SETD7: variants seen among roughly 807,000 people sequenced by gnomAD.
SETD7 encodes the protein histone-lysine N-methyltransferase SETD7.
SETD7 carries 16 observed loss-of-function variants against 41.8 expected under a neutral mutation model. The ratio of observed to expected loss-of-function variants is 0.38; its 90% CI spans 0.26 to 0.58. SETD7 has a LOEUF of 0.58. Ranked by LOEUF, SETD7 falls within the 20% of genes least tolerant of loss-of-function variation. The probability of loss-of-function intolerance (pLI) is 0.64; values close to 1 mark genes in which losing one functional copy is unlikely to be tolerated. For synonymous variants in SETD7, 163 were observed against 169.7 expected (o/e 0.96, Z 0.31); for missense variants, 346 against 459.7 (o/e 0.75, Z 2.26).
chr4:139,502,508 A>C, downstream of SETD7, among the ~76,000 whole-genome samples: 1 of 152,190 alleles, frequency 6.6e-6, no homozygotes, highest in East Asian at 1.9e-4. Context: ...CCTGGACTGC[A>C]AGGGGGTGGG....
At chr4:139,540,563 A>T (rs6819490) in intron 2 of SETD7, among the ~76,000 whole-genome samples, 4,928 of 152,172 alleles carry the variant, frequency 0.032, 254 homozygotes, top group African/African-American at 0.11. Context: ...TTATTTAGCC[A>T]CTCTGTGCCT....
rs1295069185 is a variant in SETD7 at position 139,509,073 on chromosome 4, A to C, written c.*2590T>G. The C allele has an allele frequency of 6.6e-6, 1 of 152,620 alleles. No individual in the cohort carries two copies. The highest frequency in any genetic ancestry group is 1.5e-5 in the Non-Finnish European group (1 of 68,388). The allele number at this position is 152,620 out of a possible 1,614,324, so 9.5% of individuals were successfully genotyped here. A position where few individuals can be genotyped will look rare whatever the true frequency, so the allele number is the denominator to read the frequency against. ...GATGAGCAGAGTCCCAAAGACATGC[A>C]CAGAGCCAGAGAGACTCAAGAAAGG... On this transcript the variant is annotated 3_prime_UTR_variant, in exon 8 of 8. Transcript: ENST00000274031.
downstream of SETD7, among the ~76,000 whole-genome samples, chr4:139,493,448 C>G (rs938259647): frequency 1.3e-5 from 2 of 152,034 alleles, no homozygotes; most frequent in African/African-American, 4.8e-5. Flanking sequence ...GGAGCAGGAG[C>G]CAGTCCATTG....
In SETD7 at chr4:139,556,085, G is replaced by A. The variant is rs1389157533; in HGVS notation, c.40+13C>T. On this transcript the variant is annotated intron_variant, in intron 1 of 7. Transcript: ENST00000274031. Reference sequence around the variant, plus strand: ...CTGCGCCTCCTCCCCCGGCCCCGGAGAAATGCTTGTACCTTCCACCGCCTC... The same window carrying A: ...CTGCGCCTCCTCCCCCGGCCCCGGAAAAATGCTTGTACCTTCCACCGCCTC... 1 of 1,591,672 alleles carries A rather than the reference G, an allele frequency of 6.3e-7. No homozygotes were observed. Among genetic ancestry groups the A allele is most frequent in the Non-Finnish European group, 8.5e-7 (1 of 1,170,180 alleles).
intron 1 of SETD7, among the ~76,000 whole-genome samples, chr4:139,549,380 C>T (rs1300708563): frequency 4.6e-5 from 7 of 152,168 alleles, no homozygotes; most frequent in Middle Eastern, 3.2e-3. Flanking sequence ...ACTGAAGGTG[C>T]ACCCTCAGCA....
intron 7 of SETD7, among the ~76,000 whole-genome samples, chr4:139,516,244 T>A (rs932828771): frequency 4.6e-5 from 7 of 151,558 alleles, no homozygotes; most frequent in African/African-American, 1.7e-4. Flanking sequence ...GGCGGGTGGA[T>A]CCCCTGAGGT....
chr4:139,556,031 C>T (rs1397681916), intron 1 of SETD7, 67 bp downstream of exon 1: 3 of 1,476,568 alleles, frequency 2.0e-6, no homozygotes, highest in East Asian at 5.6e-5. Context: ...CTGTTCGCAG[C>T]CCGCCACTCC....
intron 1 of SETD7, among the ~76,000 whole-genome samples, chr4:139,552,908 G>A (rs187370668): frequency 4.4e-4 from 67 of 152,254 alleles, no homozygotes; most frequent in Middle Eastern, 3.4e-3. Context: ...GTATCTATGG[G>A]TAGACAAAGA....
intron 4 of SETD7, 53 bp from the exon 5 acceptor site, chr4:139,523,488 T>A: frequency 7.9e-7 from 1 of 1,273,226 alleles, no homozygotes; most frequent in Admixed American, 1.8e-5. Context: ...GAAGAGCATT[T>A]ATAACACTTC....
chr4:139,509,384 A>G lies in SETD7; in HGVS notation c.*2279T>C, dbSNP rs1281325507. On this transcript the variant is annotated 3_prime_UTR_variant, in exon 8 of 8. Transcript: ENST00000274031. ...TATCTCATCTGAAGAACTGATTAGC[A>G]GACTAATCACTACTTACAACTCTTC... 6.6e-6 allele frequency: 1 copy of G among 152,228 alleles called. No individual in the cohort carries two copies. 9.4% of individuals were successfully genotyped at this position (152,228 alleles called of 1,614,324 possible).
downstream of SETD7, chr4:139,505,981 A>G (rs1183697325): frequency 6.5e-6 from 1 of 152,688 alleles, no homozygotes; most frequent in Non-Finnish European, 1.5e-5. Context: ...TAGACACATT[A>G]TAAGAAAACC....
rs1726874097 is a variant in SETD7 at position 139,511,491 on chromosome 4, G to T, written c.*172C>A. ...GCAAGGCTAGCTAATTTTAAATCTG[G>T]TATGAGTAATACAGTCAAACCTAGT... is the stretch of plus-strand genomic sequence containing the variant. On this transcript the variant is annotated 3_prime_UTR_variant, in exon 8 of 8. Coordinates refer to ENST00000274031, the MANE Select transcript of SETD7 (RefSeq NM_030648.4). 5 of 1,212,316 alleles carry T rather than the reference G, an allele frequency of 4.1e-6. No individual in the cohort carries two copies. Among genetic ancestry groups the T allele is most frequent in the Non-Finnish European group, 4.6e-6 (4 of 874,772 alleles). 75.1% of individuals were successfully genotyped at this position (1,212,316 alleles called of 1,614,324 possible).
At chr4:139,523,845 A>G (rs932281655) in intron 4 of SETD7, among the ~76,000 whole-genome samples, 8 of 152,240 alleles carry the variant, frequency 5.3e-5, no homozygotes, top group Admixed American at 4.6e-4. Context: ...GAACACTGGC[A>G]GTTGTCTCCT....
At chr4:139,541,906 T>C (rs572505973) in intron 2 of SETD7, among the ~76,000 whole-genome samples, 65 of 152,348 alleles carry the variant, frequency 4.3e-4, no homozygotes, top group African/African-American at 1.5e-3. Context: ...TAGATAGCTA[T>C]TTCTTCCATA....
At position 139,556,078 on chromosome 4, in the gene SETD7, C is replaced by A; in HGVS notation, c.40+20G>T. On this transcript the variant is annotated intron_variant, in intron 1 of 7. Coordinates refer to ENST00000274031, the MANE Select transcript of SETD7 (RefSeq NM_030648.4). Reference sequence around the variant, plus strand: ...AGGCCCTCTGCGCCTCCTCCCCCGGCCCCGGAGAAATGCTTGTACCTTCCA... The same window carrying A: ...AGGCCCTCTGCGCCTCCTCCCCCGGACCCGGAGAAATGCTTGTACCTTCCA... The A allele has an allele frequency of 1.3e-6, 2 of 1,587,714 alleles. No homozygotes were observed. The highest frequency in any genetic ancestry group is 1.7e-6 in the Non-Finnish European group (2 of 1,168,210).
intron 7 of SETD7, among the ~76,000 whole-genome samples, chr4:139,499,260 C>T (rs1412203593): frequency 6.6e-6 from 1 of 152,216 alleles, no homozygotes; most frequent in Non-Finnish European, 1.5e-5. Flanking sequence ...GAACTGGTCC[C>T]TTCCTTGTTC....
intron 2 of SETD7, among the ~76,000 whole-genome samples, chr4:139,540,770 T>G (rs1727758035): frequency 6.6e-6 from 1 of 152,252 alleles, no homozygotes; most frequent in Non-Finnish European, 1.5e-5. Context: ...TTGCTGGGTC[T>G]GGTTCCAACA....
chr4:139,505,745 T>TC (rs1201950820), downstream of SETD7, among the ~76,000 whole-genome samples: 1 of 152,202 alleles, frequency 6.6e-6, no homozygotes, highest in Admixed American at 6.6e-5. Flanking sequence ...AAGTTTCCTT[T>TC]CAGCTATTTG....
At chr4:139,529,296 C>T in intron 3 of SETD7, 76 bp from the exon 4 acceptor site, 5 of 1,195,876 alleles carry the variant, frequency 4.2e-6, no homozygotes, top group Non-Finnish European at 5.9e-6. Context: ...AATTTCTCTT[C>T]TGCAGTCCCA....
Sources: gnomAD v4.1 joint callset for allele counts (sites outside exome capture counted in the v4.1 genomes callset) on GRCh38, gnomAD v4.1.1 for gene constraint, MANE v1.5 for transcripts, NCBI Gene and HGNC (gene_info 2026-07-23, HGNC 2026-07-21) for gene names.